The following OXNAD1 variants were observed in gnomAD, a reference collection of about 807,000 sequenced individuals.
The protein encoded by OXNAD1 is oxidoreductase NAD-binding domain-containing protein 1.
Under a neutral mutation model 32.9 loss-of-function variants are expected in OXNAD1, and 34 were observed. The observed-to-expected ratio is 1.03, with a 90% CI of 0.79 to 1.38. OXNAD1 has a LOEUF of 1.38. Among genes scored for constraint, OXNAD1 ranks in the 40% most tolerant of loss-of-function variants. The pLI, the probability that OXNAD1 is intolerant of heterozygous loss-of-function variation, is 0.00. For missense variants in OXNAD1, 407 were observed against 379.4 expected (o/e 1.07, Z -0.60); for synonymous variants, 134 against 135.2 (o/e 0.99, Z 0.06).
At chr3:16,350,857 G>C (rs1178083958), downstream of OXNAD1, among the ~76,000 whole-genome samples, 2 of 152,164 alleles carry the variant, frequency 1.3e-5, no homozygotes, top group Non-Finnish European at 2.9e-5. Context: ...AGAAACTGTG[G>C]CAATAGAAGA....
intron 9 of OXNAD1, among the ~76,000 whole-genome samples, chr3:16,319,125 G>C (rs115824456): frequency 0.02 from 3,029 of 152,288 alleles, 55 homozygotes; most frequent in Middle Eastern, 0.048. Context: ...CCAAATGTAA[G>C]AGTCTCTCCT....
Position 16,335,087 on chromosome 3 carries a change from C to T in OXNAD1, c.*31-2025C>T, listed in dbSNP as rs374434296. On this transcript the variant is annotated intron_variant, in intron 9 of 9. Coordinates refer to the OXNAD1 transcript ENST00000435829. This position sits in a 1 kb window ranked among gnomAD's most constrained non-coding sequence, Gnocchi z 4.7. ...TTAGCCCCTTAATACTCATTTCAGA[C>T]TTCTGACTCAACAAATGTAAGACAA... Among the ~76,000 whole-genome samples, 21 of 152,260 alleles carry T rather than the reference C, an allele frequency of 1.4e-4. No homozygotes were observed. The East Asian group carries it at 3.1e-3, about 22-fold the overall frequency.
chr3:16,306,287 C>CTGTT, downstream of OXNAD1, among the ~76,000 whole-genome samples: 1 of 152,266 alleles, frequency 6.6e-6, no homozygotes, highest in East Asian at 1.9e-4. Context: ...TAGCAGCATT[C>CTGTT]TGTTTTTGTC....
rs1258130391 is a variant in OXNAD1, at chr3:16,329,243, C to G, written c.*31-7869C>G. ...CCCTCGACCTTGGACTTCCCAGCCT[C>G]CAGGACCAGGAGCCAAGAACTGTCT... On this transcript the variant is annotated intron_variant, in intron 9 of 9. Coordinates refer to the OXNAD1 transcript ENST00000435829. This position sits in a 1 kb window ranked among gnomAD's most constrained non-coding sequence, Gnocchi z 4.5. 6.6e-6 allele frequency among the ~76,000 whole-genome samples: 1 copy of G among 152,190 alleles called. No individual in the cohort carries two copies. Among genetic ancestry groups the G allele is most frequent in the Non-Finnish European group, 1.5e-5 (1 of 68,038 alleles).
chr3:16,345,825 C>T lies in OXNAD1; in HGVS notation c.*31-3351C>T, dbSNP rs577555234. On this transcript the variant is annotated intron_variant, in intron 9 of 9. Coordinates refer to the OXNAD1 transcript ENST00000606098. The surrounding 1 kb of genome is among the most constrained non-coding windows in gnomAD (Gnocchi z 5.2). ...GTGTGTGTGTGTGTGTGTGCGCGCG[C>T]GCGTGCGCGCACGCGCACATGTGCA... 0.37 allele frequency among the ~76,000 whole-genome samples: 32,113 copies of T among 86,514 alleles called. 3,841 individuals carry two copies. Among genetic ancestry groups the T allele is most frequent in the Middle Eastern group, 0.52 (87 of 168 alleles). The allele number at this position is 86,514 out of a possible 152,430, so 56.8% of individuals were successfully genotyped here. A position where few individuals can be genotyped will look rare whatever the true frequency, so the allele number is the denominator to read the frequency against.
Position 16,335,257 on chromosome 3 carries a change from T to A in OXNAD1, c.*31-1855T>A, listed in dbSNP as rs1001836016. ...CAGATGCAGGGTAGGTGAAAACTCC[T>A]GGAGGGATGAGGCTGGCTGAGGGCT... On this transcript the variant is annotated intron_variant, in intron 9 of 9. Coordinates refer to the OXNAD1 transcript ENST00000435829. This position sits in a 1 kb window ranked among gnomAD's most constrained non-coding sequence, Gnocchi z 4.7. 7.2e-5 allele frequency among the ~76,000 whole-genome samples: 11 copies of A among 152,230 alleles called. 1 individual carries two copies. The highest frequency in any genetic ancestry group is 1.9e-4 in the East Asian group (1 of 5,176).
In OXNAD1 at chr3:16,305,413, G is replaced by A. The variant is rs989729750; in HGVS notation, c.*1851G>A. 1.3e-4 allele frequency: 20 copies of A among 152,300 alleles called. No homozygotes were observed. The highest frequency in any genetic ancestry group is 4.3e-4 in the African/African-American group (18 of 41,454). 9.4% of individuals were successfully genotyped at this position (152,300 alleles called of 1,614,324 possible). A position where few individuals can be genotyped will look rare whatever the true frequency, so the allele number is the denominator to read the frequency against. On this transcript the variant is annotated 3_prime_UTR_variant, in exon 9 of 9. Transcript: ENST00000285083. The surrounding 1 kb of genome is among the most constrained non-coding windows in gnomAD (Gnocchi z 4.5). ...CCTGCCCAGCTATGCCTGCCACCCT[G>A]TTGCTGACTCAGTATTGGCAGAATT...
intron 4 of OXNAD1, chr3:16,276,662 A>G (rs1345582541): frequency 6.5e-6 from 1 of 153,362 alleles, no homozygotes; most frequent in African/African-American, 2.4e-5. Flanking sequence ...TTTCACTTGT[A>G]TGAGGTCCTG....
Position 16,346,180 on chromosome 3 carries a change from A to G in OXNAD1, c.*31-2996A>G, listed in dbSNP as rs1575078883. ...TGGAAAGGCCAGGGGGTGCACATTC[A>G]TTTTTAATGACTACACACCTTCCCT... On this transcript the variant is annotated intron_variant, in intron 9 of 9. Transcript: ENST00000606098. The surrounding 1 kb of genome is among the most constrained non-coding windows in gnomAD (Gnocchi z 4.4). The G allele has an allele frequency of 3.3e-5, 5 of 152,294 alleles. No homozygotes were observed. The highest frequency in any genetic ancestry group is 9.6e-5 in the African/African-American group (4 of 41,566). 9.4% of individuals were successfully genotyped at this position (152,294 alleles called of 1,614,324 possible). A position where few individuals can be genotyped will look rare whatever the true frequency, so the allele number is the denominator to read the frequency against.
chr3:16,279,656 A>G (rs533483494), intron 4 of OXNAD1, among the ~76,000 whole-genome samples: 2 of 152,036 alleles, frequency 1.3e-5, no homozygotes, highest in African/African-American at 4.8e-5. Flanking sequence ...CCAGATAGGA[A>G]GGAGATCAGC....
chr3:16,348,933 A>C lies in OXNAD1; in HGVS notation c.*31-243A>C, dbSNP rs189182978. ...GAGCAAGTGGCTGCTGCCAAGGAGG[A>C]GGCAGAGGGAAAATTCTGGCTAAAA... On this transcript the variant is annotated intron_variant, in intron 9 of 9. Transcript: ENST00000606098. This position sits in a 1 kb window ranked among gnomAD's most constrained non-coding sequence, Gnocchi z 6.3. Among the ~76,000 whole-genome samples the C allele has an allele frequency of 4.9e-3, 740 of 152,334 alleles. 8 individuals are homozygous for C. The highest frequency in any genetic ancestry group is 0.017 in the African/African-American group (720 of 41,562).
rs763072127 is a variant in OXNAD1, at chr3:16,301,664, A to G, written c.471A>G (p.Gly157=). The G allele has an allele frequency of 3.7e-6, 6 of 1,613,752 alleles. No homozygotes were observed. The highest frequency in any genetic ancestry group is 5.1e-6 in the Non-Finnish European group (6 of 1,179,932). The change falls in exon 7 of 9, where the codon GGA becomes GGG. Residue 157 remains glycine, a synonymous_variant. Transcript: ENST00000285083. The surrounding 1 kb of genome is among the most constrained non-coding windows in gnomAD (Gnocchi z 4.1). ...LDCEVAVRVG[G]EFFFDPQPAD... is the part of the protein sequence containing the mutation. ...GTGAAGTGGCTGTGAGAGTGGGTGG[A>G]GAGTTCTTCTTTGACCCTCAGCCTG...
chr3:16,317,008 C>T lies in OXNAD1; in HGVS notation c.*30+13416C>T. 6.2e-7 allele frequency: 1 copy of T among 1,613,746 alleles called. No homozygotes were observed. The highest frequency in any genetic ancestry group is 8.5e-7 in the Non-Finnish European group (1 of 1,179,934). ...CACACAGCAGGCCACCAGGGGACAG[C>T]TGTTCTCCCTTGTCCTCTTGGACAG... On this transcript the variant is annotated intron_variant, in intron 9 of 9. Transcript: ENST00000435829. This position sits in a 1 kb window ranked among gnomAD's most constrained non-coding sequence, Gnocchi z 4.3.
intron 9 of OXNAD1, among the ~76,000 whole-genome samples, chr3:16,311,147 CAAAAAG>C (rs1166865310): frequency 1.3e-5 from 2 of 149,442 alleles, no homozygotes; most frequent in Non-Finnish European, 3.0e-5. Flanking sequence ...CCCTCCCTCC[CAAAAAG>C]AAAGATGTAG....
chr3:16,341,363 T>C (rs2071307822), downstream of OXNAD1, among the ~76,000 whole-genome samples: 1 of 152,268 alleles, frequency 6.6e-6, no homozygotes, highest in Non-Finnish European at 1.5e-5. This position sits in a 1 kb window ranked among gnomAD's most constrained non-coding sequence, Gnocchi z 4.7. Flanking sequence ...TGGCTGTTTA[T>C]AGCAGCTTTA....
intron 9 of OXNAD1, among the ~76,000 whole-genome samples, chr3:16,319,679 T>C (rs1326633108): frequency 1.3e-5 from 2 of 152,176 alleles, no homozygotes; most frequent in Non-Finnish European, 2.9e-5. Flanking sequence ...CTGTAGAAGA[T>C]CACATCTTGT....
chr3:16,295,379 A>T (rs186921092), intron 6 of OXNAD1, among the ~76,000 whole-genome samples: 1 of 152,340 alleles, frequency 6.6e-6, no homozygotes, highest in African/African-American at 2.4e-5. Flanking sequence ...TTTGGAGGGG[A>T]AACTATCTGA....
intron 6 of OXNAD1, among the ~76,000 whole-genome samples, chr3:16,296,587 T>C (rs189224199): frequency 6.6e-6 from 1 of 152,276 alleles, no homozygotes; most frequent in Admixed American, 6.5e-5. Flanking sequence ...GCTACAGCAT[T>C]CAAAACAGTA....
chr3:16,271,579 C>A lies in OXNAD1; in HGVS notation c.120-80C>A. 1 of 1,156,472 alleles carries A rather than the reference C, an allele frequency of 8.6e-7. No individual in the cohort carries two copies. The highest frequency in any genetic ancestry group is 1.2e-6 in the Non-Finnish European group (1 of 813,914). 71.6% of individuals were successfully genotyped at this position (1,156,472 alleles called of 1,614,324 possible). A position where few individuals can be genotyped will look rare whatever the true frequency, so the allele number is the denominator to read the frequency against. ...TAATGTTACACTGTATTTAGGATAA[C>A]CATGATATTTCAGGAAAAACTAATT... On this transcript the variant is annotated intron_variant, in intron 3 of 8. Coordinates refer to ENST00000285083, the MANE Select transcript of OXNAD1 (RefSeq NM_138381.5). The surrounding 1 kb of genome is among the most constrained non-coding windows in gnomAD (Gnocchi z 4.6).
Sources: allele counts gnomAD v4.1 joint callset (sites outside exome capture counted in the v4.1 genomes callset), GRCh38; gene constraint gnomAD v4.1.1; non-coding constraint Gnocchi (gnomAD v3.1); transcripts MANE v1.5; gene names NCBI Gene and HGNC (gene_info 2026-07-23, HGNC 2026-07-21).